PLD5: variants seen among roughly 807,000 people sequenced by gnomAD.
PLD5 encodes inactive phospholipase D5.
Under a neutral mutation model 61.1 loss-of-function variants are expected in PLD5, and 36 were observed. That is an observed-to-expected ratio of 0.59 (90% CI 0.45 to 0.78). The LOEUF is 0.78. Ranked by LOEUF, PLD5 falls within the 30% of genes least tolerant of loss-of-function variation. PLD5 has a pLI of 0.00. For missense variants in PLD5, 515 were observed against 644.4 expected (o/e 0.80, Z 2.17); for synonymous variants, 243 against 242.8 (o/e 1.00, Z -0.01).
intron 2 of PLD5, among the ~76,000 whole-genome samples, chr1:242,293,330 A>G (rs1480582585): frequency 6.6e-6 from 1 of 152,194 alleles, no homozygotes; most frequent in Non-Finnish European, 1.5e-5. Context: ...CCCTTTCTAC[A>G]GTTTCTACAG....
chr1:242,089,804 T>C lies in PLD5; in HGVS notation c.*50A>G, dbSNP rs754238033. 2 of 1,604,630 alleles carry C rather than the reference T, an allele frequency of 1.2e-6. No homozygotes were observed. The highest frequency in any genetic ancestry group is 1.7e-6 in the Non-Finnish European group (2 of 1,172,898). ...AGTGTTTTTTCTCTCCTCAAGTCCT[T>C]TATGTATAAATATGAAATACAGAGC... On this transcript the variant is annotated 3_prime_UTR_variant, in exon 10 of 10. Transcript: ENST00000536534.
intron 1 of PLD5, among the ~76,000 whole-genome samples, chr1:242,383,129 G>A (rs561126307): frequency 2.6e-5 from 4 of 152,068 alleles, no homozygotes; most frequent in Non-Finnish European, 4.4e-5. Context: ...TTCTATCTCA[G>A]TTCTGAGAGT....
upstream of PLD5, among the ~76,000 whole-genome samples, chr1:242,529,248 A>C (rs944966434): frequency 6.6e-6 from 1 of 152,234 alleles, no homozygotes; most frequent in African/African-American, 2.4e-5. Context: ...TATTTTCTTT[A>C]GCCTCGTAGT....
chr1:242,517,415 C>T (rs1238048887), intron 1 of PLD5, among the ~76,000 whole-genome samples: 2 of 152,148 alleles, frequency 1.3e-5, no homozygotes, highest in Non-Finnish European at 2.9e-5. Context: ...TTCATCAAAT[C>T]CTTTTTCTTC....
At chr1:242,302,641 C>T (rs1241368918) in intron 2 of PLD5, among the ~76,000 whole-genome samples, 2 of 152,186 alleles carry the variant, frequency 1.3e-5, no homozygotes, top group African/African-American at 4.8e-5. Flanking sequence ...ATTGCTTGAA[C>T]CCAGGAATTT....
chr1:242,128,435 C>CAA lies in PLD5; in HGVS notation c.736-3771_736-3770insTT, dbSNP rs1208584653. ...GGCTGGGGCAGATGAAAGGCAAAGG[C>CAA]AGTGGCCGTGGATCAAAGCAGCTGC... On this transcript the variant is annotated intron_variant, in intron 5 of 9. Coordinates refer to ENST00000536534, the MANE Select transcript of PLD5 (RefSeq NM_001372062.1). 2.0e-5 allele frequency among the ~76,000 whole-genome samples: 3 copies of CAA among 152,180 alleles called. No individual in the cohort carries two copies. The East Asian group carries it at 5.8e-4, about 29-fold the overall frequency.
chr1:242,303,869 T>C (rs373669225), intron 2 of PLD5, among the ~76,000 whole-genome samples: 141 of 152,334 alleles, frequency 9.3e-4, no homozygotes, highest in Middle Eastern at 3.4e-3. Flanking sequence ...TTATATGTGA[T>C]TTTTCCCTTT....
At chr1:242,347,034 G>A (rs1387765510) in intron 2 of PLD5, among the ~76,000 whole-genome samples, 3 of 152,160 alleles carry the variant, frequency 2.0e-5, no homozygotes, top group East Asian at 3.8e-4. Flanking sequence ...TTTCTAACAT[G>A]AAGGAAGAAA....
intron 1 of PLD5, among the ~76,000 whole-genome samples, chr1:242,420,171 A>C (rs1665061144): frequency 6.6e-6 from 1 of 152,188 alleles, no homozygotes; most frequent in African/African-American, 2.4e-5. Context: ...GATCTTATTA[A>C]TACTCAGAAA....
intron 1 of PLD5, among the ~76,000 whole-genome samples, chr1:242,375,332 T>C (rs1202216902): frequency 6.6e-6 from 1 of 152,222 alleles, no homozygotes; most frequent in Non-Finnish European, 1.5e-5. Flanking sequence ...CCCAAAGAGC[T>C]GTGCTATCCA....
chr1:242,340,781 C>T (rs1271700827), intron 2 of PLD5, among the ~76,000 whole-genome samples: 1 of 152,058 alleles, frequency 6.6e-6, no homozygotes, highest in East Asian at 1.9e-4. Flanking sequence ...GGTAATCTGG[C>T]CCTATAGTCC....
chr1:242,525,846 T>C (rs998869254), upstream of PLD5, among the ~76,000 whole-genome samples: 8 of 152,170 alleles, frequency 5.3e-5, no homozygotes, highest in African/African-American at 1.9e-4. Flanking sequence ...AAAAATGGTA[T>C]AGTAAAAATA....
intron 9 of PLD5, among the ~76,000 whole-genome samples, chr1:242,100,127 T>G (rs1660572289): frequency 6.6e-6 from 1 of 152,218 alleles, no homozygotes; most frequent in African/African-American, 2.4e-5. Flanking sequence ...CTTCACCCAA[T>G]GAAGTAGTTA....
At chr1:242,137,787 G>T (rs1164519771) in intron 5 of PLD5, among the ~76,000 whole-genome samples, 1 of 152,044 alleles carries the variant, frequency 6.6e-6, no homozygotes, top group Non-Finnish European at 1.5e-5. Context: ...AGAGAAAGCT[G>T]CTCCTTAAGT....
intron 4 of PLD5, among the ~76,000 whole-genome samples, chr1:242,245,102 A>G (rs1211757792): frequency 1.3e-5 from 2 of 152,236 alleles, no homozygotes; most frequent in Non-Finnish European, 2.9e-5. Context: ...TTCCAGTATT[A>G]TATAAAACCT....
Position 242,256,487 on chromosome 1 carries a change from G to C in PLD5, c.607+8850C>G, listed in dbSNP as rs560474489. Among the ~76,000 whole-genome samples the C allele has an allele frequency of 5.3e-5, 8 of 152,198 alleles. No homozygotes were observed. Among genetic ancestry groups the C allele is most frequent in the African/African-American group, 1.9e-4 (8 of 41,522 alleles). Reference sequence around the variant, plus strand: ...CACGAATGTATTGGTGTCTTGTAGCGGGGGTTGAAAGGAACAAACTTAGAT... The same window carrying C: ...CACGAATGTATTGGTGTCTTGTAGCCGGGGTTGAAAGGAACAAACTTAGAT... On this transcript the variant is annotated intron_variant, in intron 4 of 9. Coordinates refer to ENST00000536534, the MANE Select transcript of PLD5 (RefSeq NM_001372062.1). The surrounding 1 kb of genome is among the most constrained non-coding windows in gnomAD (Gnocchi z 5.7).
chr1:242,516,520 C>A (rs1444829678), intron 1 of PLD5, among the ~76,000 whole-genome samples: 1 of 152,040 alleles, frequency 6.6e-6, no homozygotes, highest in Non-Finnish European at 1.5e-5. Context: ...CATATTAAAA[C>A]ACAAATGAAT....
At chr1:242,488,004 T>C (rs1388122312) in intron 1 of PLD5, among the ~76,000 whole-genome samples, 1 of 152,176 alleles carries the variant, frequency 6.6e-6, no homozygotes, top group Non-Finnish European at 1.5e-5. Flanking sequence ...TGTATGTATG[T>C]AGGTGTGCAG....
At chr1:242,145,934 C>T (rs1664515337) in intron 5 of PLD5, among the ~76,000 whole-genome samples, 2 of 152,192 alleles carry the variant, frequency 1.3e-5, no homozygotes, top group African/African-American at 2.4e-5. Flanking sequence ...CCTTGGCCTC[C>T]CAAAGTGTTG....
Sources: allele counts gnomAD v4.1 joint callset (sites outside exome capture counted in the v4.1 genomes callset), GRCh38; gene constraint gnomAD v4.1.1; non-coding constraint Gnocchi (gnomAD v3.1); transcripts MANE v1.5; gene names NCBI Gene and HGNC (gene_info 2026-07-23, HGNC 2026-07-21).